Variants in ZNF184 observed in about 807,000 individuals in gnomAD.
ZNF184 encodes zinc finger protein 184 (Kruppel-like).
In ZNF184, 16 loss-of-function variants were observed where a neutral mutation model predicts 54.4. The ratio of observed to expected loss-of-function variants is 0.29; its 90% CI spans 0.20 to 0.45. The LOEUF is 0.45. Among genes scored for constraint, ZNF184 ranks in the 20% least tolerant of loss-of-function variants. ZNF184 has a pLI of 1.00. For missense variants in ZNF184, 681 were observed against 888.2 expected, an observed-to-expected ratio of 0.77 and a Z score of 2.97; for synonymous variants, 254 against 295.3, an observed-to-expected ratio of 0.86 and a Z score of 1.43.
At chr6:27,445,657 G>A in the ZNF184 span, among the ~76,000 whole-genome samples, 1 of 148,298 alleles carries the variant, frequency 6.7e-6, no homozygotes, top group Non-Finnish European at 1.5e-5. Flanking sequence ...TCAGCCTCCA[G>A]GACCATGAGC....
At chr6:27,414,329 G>T in the ZNF184 span, among the ~76,000 whole-genome samples, 1 of 152,090 alleles carries the variant, frequency 6.6e-6, no homozygotes, top group African/African-American at 2.4e-5. Context: ...CTTTTTAATT[G>T]TTCGTTAAAT....
At chr6:27,406,533 TTC>T in the ZNF184 span, 2 of 152,266 alleles carry the variant, frequency 1.3e-5, no homozygotes. Flanking sequence ...CCTTGGCCAG[TTC>T]TCTTATCAAA....
intron 3 of ZNF184, among the ~76,000 whole-genome samples, chr6:27,457,613 C>T (rs1762891544): frequency 6.6e-6 from 1 of 152,184 alleles, no homozygotes; most frequent in African/African-American, 2.4e-5. Context: ...ATGTGAAATG[C>T]TTAATTTAAC....
At position 27,451,688 on chromosome 6, in the gene ZNF184, C is replaced by T. The variant is rs987061671; in HGVS notation, c.1871G>A (p.Arg624Gln). 56 of 1,613,818 alleles carry T rather than the reference C, an allele frequency of 3.5e-5. No individual in the cohort carries two copies. Among genetic ancestry groups the T allele is most frequent in the Non-Finnish European group, 6.8e-6 (8 of 1,179,972 alleles). Reference sequence around the variant, plus strand: ...ATGTTGAGCAAGAGATGAACAATGTCGAAAGGCTTTACCACACTCAGCACA... The same window carrying T: ...ATGTTGAGCAAGAGATGAACAATGTTGAAAGGCTTTACCACACTCAGCACA... ...YECAECGKAF[R>Q]HCSSLAQHQK... The change falls in exon 6 of 6, where the codon CGA (arginine) becomes CAA (glutamine). Residue 624 changes from arginine (R) to glutamine (Q), a missense_variant. Coordinates refer to ENST00000683788, the MANE Select transcript of ZNF184 (RefSeq NM_001318891.2).
At chr6:27,435,148 T>C in the ZNF184 span, among the ~76,000 whole-genome samples, 1 of 152,210 alleles carries the variant, frequency 6.6e-6, no homozygotes, top group Non-Finnish European at 1.5e-5. Context: ...TGAGATACCA[T>C]GTGAATTTTA....
chr6:27,417,053 C>G, the ZNF184 span, among the ~76,000 whole-genome samples: 1 of 152,066 alleles, frequency 6.6e-6, no homozygotes, highest in South Asian at 2.1e-4. Flanking sequence ...AGTGGAACAT[C>G]CCCTTGTTAG....
downstream of ZNF184, among the ~76,000 whole-genome samples, chr6:27,448,416 T>C (rs1762662023): frequency 6.6e-6 from 1 of 152,224 alleles, no homozygotes; most frequent in Non-Finnish European, 1.5e-5. Flanking sequence ...TAACGCTTTA[T>C]AATTTATTCC....
the ZNF184 span, among the ~76,000 whole-genome samples, chr6:27,426,784 T>C: frequency 4.6e-5 from 7 of 152,316 alleles, no homozygotes; most frequent in African/African-American, 1.7e-4. This position sits in a 1 kb window ranked among gnomAD's most constrained non-coding sequence, Gnocchi z 4.2. Context: ...ACTTATTCCA[T>C]AGCCTCTTAA....
the ZNF184 span, among the ~76,000 whole-genome samples, chr6:27,432,368 T>C: frequency 2.0e-5 from 3 of 152,202 alleles, 1 homozygote; most frequent in Admixed American, 2.0e-4. This position sits in a 1 kb window ranked among gnomAD's most constrained non-coding sequence, Gnocchi z 4.0. Flanking sequence ...TGTTTGATAT[T>C]TATACAATCC....
At chr6:27,459,410 A>G (rs1311727825) in intron 3 of ZNF184, among the ~76,000 whole-genome samples, 1 of 152,148 alleles carries the variant, frequency 6.6e-6, no homozygotes, top group Non-Finnish European at 1.5e-5. Flanking sequence ...TCAACTACCC[A>G]CAACAATAGC....
intron 3 of ZNF184, among the ~76,000 whole-genome samples, chr6:27,464,214 A>G (rs1763068458): frequency 6.6e-6 from 1 of 152,228 alleles, no homozygotes; most frequent in South Asian, 2.1e-4. Flanking sequence ...TCATTACACA[A>G]TGAGCATTGT....
At chr6:27,465,484 C>CAAAAAAAAAAAAAAAAAAAA (rs60538455) in intron 3 of ZNF184, among the ~76,000 whole-genome samples, 1 of 35,170 alleles carries the variant, frequency 2.8e-5, no homozygotes, top group African/African-American at 1.0e-4. Context: ...GACTCCATCT[C>CAAAAAAAAAAAAAAAAAAAA]AAAAAAAAAA....
intron 3 of ZNF184, among the ~76,000 whole-genome samples, chr6:27,465,250 C>T (rs34613987): frequency 0.096 from 14,413 of 150,352 alleles, 820 homozygotes; most frequent in African/African-American, 0.15. Flanking sequence ...TTCGGGAGGG[C>T]GAGGCGGGCG....
intron 3 of ZNF184, among the ~76,000 whole-genome samples, chr6:27,459,071 G>C (rs1331445202): frequency 6.6e-6 from 1 of 152,130 alleles, no homozygotes; most frequent in Admixed American, 6.5e-5. Context: ...GCTTACTAGA[G>C]GCTGGGAAGG....
the ZNF184 span, among the ~76,000 whole-genome samples, chr6:27,432,504 T>C: frequency 6.6e-6 from 1 of 152,204 alleles, no homozygotes; most frequent in Admixed American, 6.5e-5. This position sits in a 1 kb window ranked among gnomAD's most constrained non-coding sequence, Gnocchi z 4.0. Context: ...GGAACATCCC[T>C]GCTTTGTAGC....
the ZNF184 span, among the ~76,000 whole-genome samples, chr6:27,422,982 G>A: frequency 1.3e-5 from 2 of 152,360 alleles, no homozygotes; most frequent in Admixed American, 1.3e-4. Flanking sequence ...GGCGCGCAGA[G>A]ACTCAGGTCC....
the ZNF184 span, among the ~76,000 whole-genome samples, chr6:27,436,394 C>T: frequency 6.6e-6 from 1 of 152,196 alleles, no homozygotes; most frequent in Non-Finnish European, 1.5e-5. Context: ...GAACTCCTGA[C>T]CTCAGGTGAT....
At chr6:27,461,444 G>GA (rs1762993864) in intron 3 of ZNF184, among the ~76,000 whole-genome samples, 1 of 152,068 alleles carries the variant, frequency 6.6e-6, no homozygotes, top group Admixed American at 6.6e-5. Context: ...ATGGGTCCCT[G>GA]AAACACAGCC....
In ZNF184 at chr6:27,452,176, A is replaced by G. The variant is rs541347400; in HGVS notation, c.1383T>C (p.Leu461=). 1 of 1,614,124 alleles carries G rather than the reference A, an allele frequency of 6.2e-7. No homozygotes were observed. The highest frequency in any genetic ancestry group is 8.5e-7 in the Non-Finnish European group (1 of 1,180,016). Residue 461 remains leucine (L), a synonymous_variant, in exon 6 of 6, where the codon CTT becomes CTC. Transcript: ENST00000683788. The surrounding 1 kb of genome is among the most constrained non-coding windows in gnomAD (Gnocchi z 5.5). ...CAGTATGAATTTTCAGGTGTTGAGC[A>G]AGGGATGACCAGTAACTAAAAGATT... ...CGKSFSYWSS[L]AQHLKIHTGE...
Sources: gnomAD v4.1 joint callset for allele counts (sites outside exome capture counted in the v4.1 genomes callset) on GRCh38, gnomAD v4.1.1 for gene constraint, Gnocchi (gnomAD v3.1) non-coding constraint, MANE v1.5 for transcripts, NCBI Gene and HGNC (gene_info 2026-07-23, HGNC 2026-07-21) for gene names.